LARGE1: variants seen among roughly 807,000 people sequenced by gnomAD.
LARGE1 encodes xylosyl- and glucuronyltransferase LARGE1.
Under a neutral mutation model 87.6 loss-of-function variants are expected in LARGE1, and 43 were observed. The ratio of observed to expected loss-of-function variants is 0.49; its 90% CI spans 0.38 to 0.63. The LOEUF (loss-of-function observed/expected upper bound fraction) is 0.63. Ranked by LOEUF, LARGE1 falls within the 30% of genes least tolerant of loss-of-function variation. LARGE1 has a pLI of 0.00. For synonymous variants in LARGE1, 434 were observed against 394.6 expected (o/e 1.10, Z -1.18); for missense variants, 802 against 1,000.2 (o/e 0.80, Z 2.67).
intron 7 of LARGE1, among the ~76,000 whole-genome samples, chr22:33,399,802 C>T (rs1256244604): frequency 6.6e-6 from 1 of 152,184 alleles, no homozygotes; most frequent in Non-Finnish European, 1.5e-5. Context: ...CCCGCCTCGG[C>T]CTCCCAAAGT....
At chr22:33,437,987 C>T (rs1184466418) in intron 6 of LARGE1, among the ~76,000 whole-genome samples, 3 of 152,084 alleles carry the variant, frequency 2.0e-5, no homozygotes, top group African/African-American at 7.2e-5. Flanking sequence ...TCCCTTCCAG[C>T]ACTGCAGCCA....
the LARGE1 span, among the ~76,000 whole-genome samples, chr22:33,114,227 G>C: frequency 6.6e-6 from 1 of 152,104 alleles, no homozygotes; most frequent in Non-Finnish European, 1.5e-5. Flanking sequence ...GATTAAATTA[G>C]CTAATAGAGG....
chr22:33,478,076 A>T (rs2069156120), intron 6 of LARGE1, among the ~76,000 whole-genome samples: 1 of 152,140 alleles, frequency 6.6e-6, no homozygotes, highest in Non-Finnish European at 1.5e-5. Flanking sequence ...AGCTCTAATT[A>T]TGTCAAGTTC....
chr22:33,550,348 A>G (rs1282674491), intron 6 of LARGE1, among the ~76,000 whole-genome samples: 1 of 152,150 alleles, frequency 6.6e-6, no homozygotes, highest in Non-Finnish European at 1.5e-5. Flanking sequence ...GTGGTTCTCA[A>G]CAGGGAAAGA....
chr22:33,516,119 G>C (rs74985557), intron 6 of LARGE1, among the ~76,000 whole-genome samples: 3,658 of 152,336 alleles, frequency 0.024, 67 homozygotes, highest in African/African-American at 0.047. Flanking sequence ...CTGTTTGAGA[G>C]AAGACTGATG....
Position 33,547,227 on chromosome 22 carries a change from G to C in LARGE1, c.787+17621C>G, listed in dbSNP as rs571031079. On this transcript the variant is annotated intron_variant, in intron 6 of 14. Coordinates refer to ENST00000397394, the MANE Select transcript of LARGE1 (RefSeq NM_133642.5). The stretch of plus-strand genomic sequence containing the variant: ...AAGACAATTTTCCATGAAGGGTGGT[G>C]GGGGGGAGGGTAGGATGGTTTGGGG... 2.1e-3 allele frequency among the ~76,000 whole-genome samples: 313 copies of C among 151,634 alleles called. 3 individuals carry two copies. The highest frequency in any genetic ancestry group is 7.1e-3 in the African/African-American group (296 of 41,444).
At chr22:33,627,131 C>T (rs2079946109) in intron 3 of LARGE1, among the ~76,000 whole-genome samples, 1 of 152,224 alleles carries the variant, frequency 6.6e-6, no homozygotes, top group African/African-American at 2.4e-5. Context: ...TAGTGTGCCA[C>T]GATTGAATTA....
chr22:33,872,328 T>C (rs896097741), intron 1 of LARGE1, among the ~76,000 whole-genome samples: 4 of 151,026 alleles, frequency 2.6e-5, no homozygotes, highest in African/African-American at 7.3e-5. Context: ...GAACCTTCCA[T>C]GGCACAGAGC....
chr22:33,641,775 G>T (rs552828116), intron 3 of LARGE1, among the ~76,000 whole-genome samples: 2 of 152,132 alleles, frequency 1.3e-5, no homozygotes, highest in African/African-American at 4.8e-5. Flanking sequence ...CAAACAGAAG[G>T]ATATCAGAGA....
At chr22:33,441,718 C>T (rs1462274259) in intron 6 of LARGE1, among the ~76,000 whole-genome samples, 1 of 152,146 alleles carries the variant, frequency 6.6e-6, no homozygotes, top group Non-Finnish European at 1.5e-5. Flanking sequence ...CTCAGCTTCC[C>T]ATAGTGCTGG....
intron 9 of LARGE1, among the ~76,000 whole-genome samples, chr22:33,363,515 G>C (rs776740562): frequency 6.7e-6 from 1 of 149,316 alleles, no homozygotes; most frequent in South Asian, 2.2e-4. Context: ...ATTCAATTAC[G>C]TAACTCCCAC....
chr22:33,552,172 C>G (rs1341233799), intron 6 of LARGE1, among the ~76,000 whole-genome samples: 1 of 152,070 alleles, frequency 6.6e-6, no homozygotes, highest in Non-Finnish European at 1.5e-5. Flanking sequence ...AGTAGGTGCT[C>G]AATAAATATT....
chr22:33,421,096 G>C (rs2066675537), intron 7 of LARGE1, among the ~76,000 whole-genome samples: 1 of 152,134 alleles, frequency 6.6e-6, no homozygotes, highest in African/African-American at 2.4e-5. Flanking sequence ...GGCTGAGGTA[G>C]GAAAGTTGCT....
At chr22:33,589,071 C>T (rs1569294526) in intron 5 of LARGE1, among the ~76,000 whole-genome samples, 1 of 152,332 alleles carries the variant, frequency 6.6e-6, no homozygotes, top group Non-Finnish European at 1.5e-5. Context: ...AACATTACAC[C>T]TCCAGGCTTT....
chr22:33,378,782 G>A (rs900632845), intron 9 of LARGE1, among the ~76,000 whole-genome samples: 3 of 151,290 alleles, frequency 2.0e-5, no homozygotes, highest in Admixed American at 6.6e-5. Flanking sequence ...GTCCCACGAG[G>A]CTGCCCACTT....
intron 4 of LARGE1, among the ~76,000 whole-genome samples, chr22:33,604,906 A>T (rs1278471945): frequency 2.0e-5 from 3 of 151,922 alleles, no homozygotes; most frequent in East Asian, 3.9e-4. Flanking sequence ...TTTATATCTG[A>T]CTTATCAGCC....
intron 2 of LARGE1, among the ~76,000 whole-genome samples, chr22:33,709,291 A>T (rs1307679050): frequency 6.6e-6 from 1 of 152,130 alleles, no homozygotes; most frequent in African/African-American, 2.4e-5. Flanking sequence ...CCCTGAAAAC[A>T]CGATCCCACC....
intron 4 of LARGE1, among the ~76,000 whole-genome samples, chr22:33,623,385 T>G (rs2079816868): frequency 1.3e-5 from 2 of 152,218 alleles, no homozygotes; most frequent in Non-Finnish European, 2.9e-5. Context: ...TTGGCCATTC[T>G]TTCTTTGGTG....
At chr22:33,394,458 G>A (rs752028419) in intron 7 of LARGE1, among the ~76,000 whole-genome samples, 2 of 151,996 alleles carry the variant, frequency 1.3e-5, no homozygotes, top group Non-Finnish European at 2.9e-5. Flanking sequence ...TCGGCCTCCC[G>A]AAGTCCTGGG....
Sources: gnomAD v4.1 joint callset for allele counts (sites outside exome capture counted in the v4.1 genomes callset) on GRCh38, gnomAD v4.1.1 for gene constraint, MANE v1.5 for transcripts, NCBI Gene and HGNC (gene_info 2026-07-23, HGNC 2026-07-21) for gene names.